The following SPAG6 variants were observed in gnomAD, a reference collection of about 807,000 sequenced individuals.
SPAG6 encodes sperm-associated antigen 6.
Under a neutral mutation model 58.5 loss-of-function variants are expected in SPAG6, and 49 were observed. That is an observed-to-expected ratio of 0.84 (90% CI 0.67 to 1.06). The LOEUF is 1.06. Ranked by LOEUF, SPAG6 falls within the 50% of genes least tolerant of loss-of-function variation. The pLI, the probability that SPAG6 is intolerant of heterozygous loss-of-function variation, is 0.00. For synonymous variants in SPAG6, 233 were observed against 225.6 expected, an observed-to-expected ratio of 1.03 and a Z score of -0.29; for missense variants, 560 against 611.3, an observed-to-expected ratio of 0.92 and a Z score of 0.89.
intron 2 of SPAG6, among the ~76,000 whole-genome samples, chr10:22,347,255 T>C (rs997705765): frequency 6.6e-6 from 1 of 152,196 alleles, no homozygotes; most frequent in Non-Finnish European, 1.5e-5. Context: ...CTTTGTTCTA[T>C]AGTTGTTTTA....
chr10:22,388,858 T>G (rs907202197), intron 6 of SPAG6, among the ~76,000 whole-genome samples: 5 of 152,146 alleles, frequency 3.3e-5, no homozygotes, highest in African/African-American at 1.2e-4. Context: ...TAGTTAGTTA[T>G]GAACCAGCCC....
At chr10:22,359,479 C>T (rs1399598119) in intron 2 of SPAG6, 1 of 156,198 alleles carries the variant, frequency 6.4e-6, no homozygotes, top group Non-Finnish European at 1.4e-5. Context: ...CTGCAGCCTC[C>T]ACCTCCCCGG....
chr10:22,399,552 T>C (rs1299973025), intron 8 of SPAG6, among the ~76,000 whole-genome samples: 1 of 152,226 alleles, frequency 6.6e-6, no homozygotes, highest in Non-Finnish European at 1.5e-5. Flanking sequence ...AGGATTTCTA[T>C]CATGCTGGAT....
chr10:22,409,339 A>T (rs552403791), intron 9 of SPAG6, among the ~76,000 whole-genome samples: 1 of 152,344 alleles, frequency 6.6e-6, no homozygotes, highest in African/African-American at 2.4e-5. Flanking sequence ...AATATATACT[A>T]GTGCAATCTT....
At position 22,391,898 on chromosome 10, in the gene SPAG6, G is replaced by C. The variant is rs769939655; in HGVS notation, c.1175G>C (p.Ser392Thr). Residue 392 changes from serine (S) to threonine (T), a missense_variant, in exon 8 of 11, where the codon AGT becomes ACT. By Grantham distance (58) the Ser-to-Thr change is moderately conservative. Transcript: ENST00000376624. ...VLLSLYMSTE[S>T]SEDLQVKSKK... is the part of the protein sequence containing the mutation. ...CTTTCTTTGTACATGTCAACAGAAA[G>C]TTCTGAGGATCTCCAAGTAAAAGTA... The C allele has an allele frequency of 1.5e-5, 24 of 1,612,286 alleles. No homozygotes were observed. The highest frequency in any genetic ancestry group is 2.0e-5 in the Non-Finnish European group (24 of 1,179,262).
At chr10:22,360,760 C>A in intron 2 of SPAG6, 1 of 1,516,818 alleles carries the variant, frequency 6.6e-7, no homozygotes, top group Non-Finnish European at 8.8e-7. Context: ...TACTAGAGGC[C>A]TTGTTTATCA....
intron 9 of SPAG6, among the ~76,000 whole-genome samples, chr10:22,405,246 C>T (rs1365877430): frequency 6.6e-6 from 1 of 150,668 alleles, no homozygotes; most frequent in Admixed American, 6.6e-5. Context: ...CAGTTTTTGC[C>T]CATTCAGTAT....
At chr10:22,360,721 A>G in intron 2 of SPAG6, 1 of 1,046,538 alleles carries the variant, frequency 9.6e-7, no homozygotes, top group Non-Finnish European at 1.4e-6. Context: ...GGGTCCTTCA[A>G]GTGAGCCCCA....
chr10:22,378,188 C>G (rs1457425280), intron 4 of SPAG6, among the ~76,000 whole-genome samples: 1 of 151,210 alleles, frequency 6.6e-6, no homozygotes, highest in African/African-American at 2.4e-5. Flanking sequence ...CTCAGCCTCT[C>G]GAGTAGCTGG....
Position 22,387,909 on chromosome 10 carries a change from T to G in SPAG6, c.765T>G (p.Val255=). 6.2e-7 allele frequency: 1 copy of G among 1,613,608 alleles called. No individual in the cohort carries two copies. Among genetic ancestry groups the G allele is most frequent in the Non-Finnish European group, 8.5e-7 (1 of 1,179,730 alleles). Residue 255 remains valine, a synonymous_variant, in exon 6 of 11, where the codon GTT becomes GTG. Transcript: ENST00000376624. ...TTGTTGAAGCAGAGATTTTTCCAGTTGTACTTACCTGTCTGAAGGACAAGG... is the reference window on the plus strand; with the variant it reads ...TTGTTGAAGCAGAGATTTTTCCAGTGGTACTTACCTGTCTGAAGGACAAGG... ...EMVVEAEIFP[V]VLTCLKDKDE...
chr10:22,416,685 C>A lies in SPAG6; in HGVS notation c.1527C>A (p.Asn509Lys). The A allele has an allele frequency of 6.3e-7, 1 of 1,591,580 alleles. No homozygotes were observed. The highest frequency in any genetic ancestry group is 8.6e-7 in the Non-Finnish European group (1 of 1,159,978). Residue 509 changes from asparagine (N) to lysine (K), a missense_variant, in exon 11 of 11, where the codon AAC becomes AAA. Coordinates refer to ENST00000376624, the MANE Select transcript of SPAG6 (RefSeq NM_012443.4). The stretch of plus-strand genomic sequence containing the variant: ...TGGACAGCTATCAACCACTTAATAA[C>A]TGAGCAAAGTTATATTGTGATACTC... ...QRVDSYQPLN[N>K] is the part of the protein sequence containing the mutation.
intron 3 of SPAG6, among the ~76,000 whole-genome samples, chr10:22,367,550 T>C (rs7893841): frequency 1.3e-5 from 2 of 152,098 alleles, no homozygotes; most frequent in African/African-American, 4.8e-5. Flanking sequence ...TCACTTTTCA[T>C]TAGTCACTGT....
In SPAG6 at chr10:22,389,146, T is replaced by G; in HGVS notation, c.853-14T>G. 1.2e-6 allele frequency: 2 copies of G among 1,612,370 alleles called. No individual in the cohort carries two copies. The highest frequency in any genetic ancestry group is 1.7e-6 in the Non-Finnish European group (2 of 1,178,826). On this transcript the variant is annotated splice_polypyrimidine_tract_variant and intron_variant, in intron 6 of 10. Coordinates refer to ENST00000376624, the MANE Select transcript of SPAG6 (RefSeq NM_012443.4). ...TAGGGTCCTGGTGATCTAACTCTTG[T>G]TCCCATCGCTTAGCTTTCACAGCTG...
rs2132049132 is a variant in SPAG6, at chr10:22,364,973, A to G, written c.242A>G (p.Lys81Arg). The change falls in exon 3 of 11, where the codon AAG becomes AGG. Residue 81 changes from lysine (K) to arginine (R), a missense_variant. Coordinates refer to ENST00000376624, the MANE Select transcript of SPAG6 (RefSeq NM_012443.4). ...GATGACCTAGCAGAAGCTGTTGTGAAGTGCGACATTCTTCCACAGCTTGTT... is the reference window on the plus strand; with the variant it reads ...GATGACCTAGCAGAAGCTGTTGTGAGGTGCGACATTCTTCCACAGCTTGTT... ...YNDDLAEAVV[K>R]CDILPQLVYS... The G allele has an allele frequency of 6.2e-7, 1 of 1,612,908 alleles. No homozygotes were observed. Among genetic ancestry groups the G allele is most frequent in the Non-Finnish European group, 8.5e-7 (1 of 1,179,430 alleles).
At chr10:22,365,598 C>T (rs1181855027) in intron 3 of SPAG6, among the ~76,000 whole-genome samples, 3 of 152,104 alleles carry the variant, frequency 2.0e-5, no homozygotes, top group Non-Finnish European at 2.9e-5. Flanking sequence ...ATTTGGTTTT[C>T]ACAGTAGTTA....
rs1375483446 is a variant in SPAG6 at position 22,389,974 on chromosome 10, A to T, written c.1005+662A>T. Among the ~76,000 whole-genome samples, 6 of 152,270 alleles carry T rather than the reference A, an allele frequency of 3.9e-5. No homozygotes were observed. In the East Asian group the frequency reaches 1.2e-3, roughly 29 times the overall value. On this transcript the variant is annotated intron_variant, in intron 7 of 10. Transcript: ENST00000376624. Reference sequence around the variant, plus strand: ...ATTGATCTCTGGACGAATGCTTCAAAGCCTGTGTGCTTACAGTGTGTGCGG... The same window carrying T: ...ATTGATCTCTGGACGAATGCTTCAATGCCTGTGTGCTTACAGTGTGTGCGG...
intron 2 of SPAG6, chr10:22,360,643 T>A (rs1837008655): frequency 6.3e-6 from 1 of 159,622 alleles, no homozygotes; most frequent in Admixed American, 6.5e-5. Context: ...AATTGTTTTA[T>A]GGATAATTGA....
Position 22,408,784 on chromosome 10 carries a change from C to G in SPAG6, c.1315-2247C>G, listed in dbSNP as rs575686419. 1.9e-3 allele frequency among the ~76,000 whole-genome samples: 291 copies of G among 152,248 alleles called. 5 individuals are homozygous for G. The highest frequency in any genetic ancestry group is 6.2e-3 in the African/African-American group (259 of 41,520). ...CTCAGACTGCTGTGCTAGCAATCAGCGAGACTCTGTGGGGGTAGGACCCTC... is the reference window on the plus strand; with the variant it reads ...CTCAGACTGCTGTGCTAGCAATCAGGGAGACTCTGTGGGGGTAGGACCCTC... On this transcript the variant is annotated intron_variant, in intron 9 of 10. Coordinates refer to ENST00000376624, the MANE Select transcript of SPAG6 (RefSeq NM_012443.4).
chr10:22,381,259 G>C (rs922312966), intron 4 of SPAG6, among the ~76,000 whole-genome samples: 14 of 151,828 alleles, frequency 9.2e-5, no homozygotes, highest in Admixed American at 2.6e-4. Flanking sequence ...AAATGGGGTG[G>C]TTCAGGCCGT....
Sources: gnomAD v4.1 joint callset for allele counts (sites outside exome capture counted in the v4.1 genomes callset) on GRCh38, gnomAD v4.1.1 for gene constraint, MANE v1.5 for transcripts, NCBI Gene and HGNC (gene_info 2026-07-23, HGNC 2026-07-21) for gene names.